MAPK6: variants seen among roughly 807,000 people sequenced by gnomAD.
MAPK6 encodes the protein ERK-3.
In MAPK6, 19 loss-of-function variants were observed where a neutral mutation model predicts 59.3. The ratio of observed to expected loss-of-function variants is 0.32; its 90% CI spans 0.22 to 0.47. MAPK6 has a LOEUF of 0.47. MAPK6 is among the 20% of genes least tolerant of loss of function. The probability of loss-of-function intolerance (pLI) is 1.00; values close to 1 mark genes in which losing one functional copy is unlikely to be tolerated. For synonymous variants in MAPK6, 316 were observed against 290.3 expected (o/e 1.09, Z -0.90); for missense variants, 724 against 847.9 (o/e 0.85, Z 1.81).
intron 2 of MAPK6, among the ~76,000 whole-genome samples, chr15:51,983,564 C>A (rs1031638287): frequency 6.6e-6 from 1 of 151,938 alleles, no homozygotes. Context: ...AATCCCAGCA[C>A]TTTGGGAGGC....
chr15:52,046,704 G>A lies in MAPK6; in HGVS notation c.244G>A (p.Glu82Lys), dbSNP rs1225918128. The change falls in exon 2 of 6, where the codon GAG becomes AAG. Residue 82 changes from glutamate (E) to lysine (K), a missense_variant. Glu to Lys is a moderately conservative substitution (Grantham distance 56). This residue lies in a region of MAPK6 where 87 missense variants were observed against 93.0 expected (regional missense o/e 0.93). Transcript: ENST00000261845. Reference protein sequence around the residue: ...LDHDNIVKVFEILGPSGSQLT... With the variant: ...LDHDNIVKVFKILGPSGSQLT... ...CCATGATAACATTGTGAAAGTGTTT[G>A]AGATTCTTGGTCCCAGTGGAAGCCA... The A allele has an allele frequency of 6.2e-7, 1 of 1,614,050 alleles. No individual in the cohort carries two copies. Among genetic ancestry groups the A allele is most frequent in the Non-Finnish European group, 8.5e-7 (1 of 1,180,040 alleles).
At chr15:52,007,551 T>C (rs554496231) in intron 3 of MAPK6, among the ~76,000 whole-genome samples, 116 of 152,312 alleles carry the variant, frequency 7.6e-4, no homozygotes, top group Non-Finnish European at 1.3e-3. Flanking sequence ...TAATTCATTT[T>C]TATACTGTGC....
chr15:52,016,070 G>GCGCGCGCACACACA, upstream of MAPK6, among the ~76,000 whole-genome samples: 653 of 55,420 alleles, frequency 0.012, 21 homozygotes, highest in Middle Eastern at 0.042. Flanking sequence ...GCGCGCGCGC[G>GCGCGCGCACACACA]CACACACACA....
At chr15:52,059,396 A>G (rs960545826) in intron 4 of MAPK6, among the ~76,000 whole-genome samples, 2 of 152,188 alleles carry the variant, frequency 1.3e-5, no homozygotes, top group East Asian at 1.9e-4. Flanking sequence ...CCACAGTGGT[A>G]GTATTACAGG....
intron 1 of MAPK6, among the ~76,000 whole-genome samples, chr15:51,973,751 C>T (rs2057148420): frequency 6.6e-6 from 1 of 151,762 alleles, no homozygotes. Context: ...CTCCCGGGTT[C>T]GAGTGATTCT....
At chr15:52,051,063 AT>A (rs574093128) in intron 3 of MAPK6, among the ~76,000 whole-genome samples, 21 of 147,514 alleles carry the variant, frequency 1.4e-4, no homozygotes, top group Non-Finnish European at 2.4e-4. Context: ...CTCTATACCC[AT>A]TTTTTTTTTC....
intron 1 of MAPK6, among the ~76,000 whole-genome samples, chr15:52,043,016 TG>T (rs2031476137): frequency 1.3e-5 from 2 of 152,008 alleles, no homozygotes; most frequent in South Asian, 4.2e-4. Flanking sequence ...CCCAGCTACT[TG>T]GGGGGCTGAG....
intron 2 of MAPK6, among the ~76,000 whole-genome samples, chr15:51,987,893 A>G (rs1203787795): frequency 6.6e-6 from 1 of 151,286 alleles, no homozygotes; most frequent in East Asian, 2.0e-4. Flanking sequence ...AGCTTCTGGA[A>G]TAGCTGGGAT....
intron 3 of MAPK6, among the ~76,000 whole-genome samples, chr15:52,008,763 G>C (rs1218019125): frequency 6.6e-6 from 1 of 152,220 alleles, no homozygotes; most frequent in African/African-American, 2.4e-5. Flanking sequence ...CATAGGTTTA[G>C]AGTGAGGCCA....
chr15:52,060,244 T>C (rs2032148164), intron 4 of MAPK6, among the ~76,000 whole-genome samples: 1 of 152,108 alleles, frequency 6.6e-6, no homozygotes, highest in Non-Finnish European at 1.5e-5. Context: ...TGTCTTAAAA[T>C]TATCTTTCTA....
intron 2 of MAPK6, among the ~76,000 whole-genome samples, chr15:52,003,818 A>G (rs1595964111): frequency 6.6e-6 from 1 of 152,258 alleles, no homozygotes; most frequent in East Asian, 1.9e-4. Context: ...TTGAATGAGT[A>G]AAATAGGGAT....
chr15:51,972,078 T>A (rs17612123), intron 1 of MAPK6, among the ~76,000 whole-genome samples: 1 of 151,732 alleles, frequency 6.6e-6, no homozygotes, highest in Non-Finnish European at 1.5e-5. Flanking sequence ...CGAGTCAGGA[T>A]TGAAGCCCTT....
intron 5 of MAPK6, among the ~76,000 whole-genome samples, 183 bp downstream of exon 5, chr15:52,061,683 G>A (rs1482821557): frequency 6.6e-6 from 1 of 152,102 alleles, no homozygotes; most frequent in African/African-American, 2.4e-5. Context: ...TGGAGGCTGA[G>A]GCAGGAAAAT....
intron 2 of MAPK6, among the ~76,000 whole-genome samples, chr15:51,989,033 G>C (rs2057200106): frequency 6.6e-6 from 1 of 151,614 alleles, no homozygotes; most frequent in African/African-American, 2.4e-5. Context: ...TTCCAGTTAG[G>C]GCCCACCAAA....
At chr15:52,039,093 A>G (rs545299850) in intron 1 of MAPK6, among the ~76,000 whole-genome samples, 1 of 152,162 alleles carries the variant, frequency 6.6e-6, no homozygotes, top group Non-Finnish European at 1.5e-5. Context: ...GCTCACTGCA[A>G]CCTCCACCTC....
chr15:51,975,956 CAT>C (rs1301611606), intron 1 of MAPK6, among the ~76,000 whole-genome samples: 5 of 151,748 alleles, frequency 3.3e-5, no homozygotes, highest in African/African-American at 9.7e-5. Flanking sequence ...TAATGACAAA[CAT>C]ATTTCTTCAT....
chr15:52,055,971 T>TAGATTGTAGTTTGTTTC (rs2031967518), intron 3 of MAPK6, among the ~76,000 whole-genome samples: 1 of 152,260 alleles, frequency 6.6e-6, no homozygotes, highest in Non-Finnish European at 1.5e-5. Context: ...TGGAAAGATC[T>TAGATTGTAGTTTGTTTC]AGATTGTAGT....
At chr15:52,020,333 T>C (rs892992557) in intron 1 of MAPK6, among the ~76,000 whole-genome samples, 6 of 152,208 alleles carry the variant, frequency 3.9e-5, no homozygotes, top group African/African-American at 7.2e-5. Context: ...TCCTGTTTTA[T>C]TTTTTCTTTT....
intron 1 of MAPK6, among the ~76,000 whole-genome samples, chr15:52,025,462 A>T (rs2030733379): frequency 6.6e-6 from 1 of 152,216 alleles, no homozygotes; most frequent in Non-Finnish European, 1.5e-5. Context: ...CTTGACGAGC[A>T]AGTAGTGCAC....
Sources: allele counts gnomAD v4.1 joint callset (sites outside exome capture counted in the v4.1 genomes callset), GRCh38; gene constraint gnomAD v4.1.1; regional missense constraint gnomAD v4.1.1; transcripts MANE v1.5; gene names NCBI Gene and HGNC (gene_info 2026-07-23, HGNC 2026-07-21).